SAMD13: variants seen among roughly 807,000 people sequenced by gnomAD.
SAMD13 encodes the protein sterile alpha motif domain-containing protein 13.
In SAMD13, 9 loss-of-function variants were observed where a neutral mutation model predicts 12.4. The ratio of observed to expected loss-of-function variants is 0.72; its 90% CI spans 0.44 to 1.26. The LOEUF is 1.26. Among genes scored for constraint, SAMD13 ranks in the 50% most tolerant of loss-of-function variants. The pLI is 0.00. For synonymous variants in SAMD13, 46 were observed against 45.4 expected (o/e 1.01, Z -0.05); for missense variants, 84 against 119.6 (o/e 0.70, Z 1.39).
intron 2 of SAMD13, among the ~76,000 whole-genome samples, chr1:84,316,202 G>A (rs924713859): frequency 2.6e-5 from 4 of 152,036 alleles, no homozygotes; most frequent in African/African-American, 9.7e-5. Flanking sequence ...TTCCCTGGCT[G>A]TATAGAAGCT....
chr1:84,302,804 A>C, intron 1 of SAMD13: 2 of 335,366 alleles, frequency 6.0e-6, no homozygotes, highest in Non-Finnish European at 8.3e-6. Context: ...AGAAAAAACA[A>C]ATCAAAGCCC....
chr1:84,319,148 A>G (rs542905168), intron 2 of SAMD13, among the ~76,000 whole-genome samples: 1 of 152,320 alleles, frequency 6.6e-6, no homozygotes, highest in African/African-American at 2.4e-5. Flanking sequence ...CAGTGAAGCC[A>G]TACCCAAATC....
chr1:84,307,825 T>A (rs1469963170), intron 2 of SAMD13, among the ~76,000 whole-genome samples: 1 of 152,174 alleles, frequency 6.6e-6, no homozygotes, highest in Non-Finnish European at 1.5e-5. Context: ...TTTATGCTCC[T>A]GAATTGAGAT....
rs187420827 is a variant in SAMD13 at position 84,330,965 on chromosome 1, T to A, written c.165+5217T>A. 2.0e-3 allele frequency among the ~76,000 whole-genome samples: 301 copies of A among 152,280 alleles called. 1 individual carries two copies. Among genetic ancestry groups the A allele is most frequent in the African/African-American group, 6.9e-3 (285 of 41,572 alleles). The stretch of plus-strand genomic sequence containing the variant: ...CTTCATTTTTCTCAAACCACATGAA[T>A]AAGAATAGTATCTTTACTCTGAAAT... On this transcript the variant is annotated intron_variant, in intron 3 of 3. Coordinates refer to ENST00000394834, the MANE Select transcript of SAMD13 (RefSeq NM_001134663.2).
rs922194942 is a variant in SAMD13, at chr1:84,303,133, C to T, written c.-32-70C>T. On this transcript the variant is annotated intron_variant, in intron 1 of 3. Coordinates refer to ENST00000394834, the MANE Select transcript of SAMD13 (RefSeq NM_001134663.2). ...GCTGTAAAAGGGACCATTATGTTTC[C>T]GATTCAGAATATATATTCTTCTCTC... 15 of 1,194,850 alleles carry T rather than the reference C, an allele frequency of 1.3e-5. No homozygotes were observed. The African/African-American group carries it at 2.1e-4, about 17-fold the overall frequency. 74.0% of individuals were successfully genotyped at this position (1,194,850 alleles called of 1,614,324 possible).
intron 2 of SAMD13, among the ~76,000 whole-genome samples, chr1:84,318,056 T>A (rs1009902696): frequency 6.6e-6 from 1 of 152,126 alleles, no homozygotes; most frequent in Non-Finnish European, 1.5e-5. Context: ...TTTTATTTAT[T>A]TGAGTCTTCA....
chr1:84,349,003 A>G (rs1424671967), intron 3 of SAMD13, among the ~76,000 whole-genome samples: 3 of 152,032 alleles, frequency 2.0e-5, no homozygotes, highest in Admixed American at 1.3e-4. Context: ...AATTGTGAGG[A>G]CTCCAGGAAA....
intron 2 of SAMD13, among the ~76,000 whole-genome samples, chr1:84,307,465 CT>C (rs1265290596): frequency 1.3e-5 from 2 of 152,058 alleles, no homozygotes; most frequent in Admixed American, 6.6e-5. Flanking sequence ...AGAATATGGC[CT>C]TAATAACTCT....
chr1:84,340,219 G>T (rs1055170567), intron 3 of SAMD13, among the ~76,000 whole-genome samples: 8 of 152,276 alleles, frequency 5.3e-5, no homozygotes, highest in Middle Eastern at 3.4e-3. Context: ...AAAATGTGCT[G>T]TATACATATA....
At chr1:84,323,079 G>T (rs554408035) in intron 2 of SAMD13, among the ~76,000 whole-genome samples, 1 of 152,086 alleles carries the variant, frequency 6.6e-6, no homozygotes, top group African/African-American at 2.4e-5. Context: ...TGTTTTCTGG[G>T]GGCACTTAAA....
rs1369597283 is a variant in SAMD13 at position 84,349,920 on chromosome 1, G to C, written c.*146G>C. On this transcript the variant is annotated 3_prime_UTR_variant, in exon 4 of 4. Transcript: ENST00000394834. ...AAACGTTATCCTATTGGATAGACTAGGCAATTCATCAGCTCACCTGAAATC... is the reference window on the plus strand; with the variant it reads ...AAACGTTATCCTATTGGATAGACTACGCAATTCATCAGCTCACCTGAAATC... 1 of 1,359,722 alleles carries C rather than the reference G, an allele frequency of 7.4e-7. No homozygotes were observed. Among genetic ancestry groups the C allele is most frequent in the East Asian group, 2.6e-5 (1 of 38,400 alleles). 84.2% of individuals were successfully genotyped at this position (1,359,722 alleles called of 1,614,324 possible).
chr1:84,314,866 C>T (rs971556937), intron 2 of SAMD13, among the ~76,000 whole-genome samples: 4 of 152,082 alleles, frequency 2.6e-5, no homozygotes, highest in African/African-American at 9.7e-5. Flanking sequence ...CCTTTCTAGC[C>T]AGGATCTGAT....
chr1:84,320,489 A>G (rs1487074218), intron 2 of SAMD13, among the ~76,000 whole-genome samples: 1 of 152,226 alleles, frequency 6.6e-6, no homozygotes, highest in Non-Finnish European at 1.5e-5. Flanking sequence ...CCATTTAGCC[A>G]GATCCCTGCT....
intron 1 of SAMD13, chr1:84,302,818 A>C: frequency 5.4e-5 from 9 of 165,402 alleles, no homozygotes; most frequent in Non-Finnish European, 9.3e-5. Context: ...AAAGCCCATA[A>C]TGGGAGGGGG....
At chr1:84,341,468 T>A (rs1351781422) in intron 3 of SAMD13, among the ~76,000 whole-genome samples, 1 of 152,168 alleles carries the variant, frequency 6.6e-6, no homozygotes, top group East Asian at 1.9e-4. Flanking sequence ...TGTGATGTGT[T>A]TCATCTTCAT....
chr1:84,323,461 T>C (rs988105511), intron 2 of SAMD13, among the ~76,000 whole-genome samples: 1 of 152,146 alleles, frequency 6.6e-6, no homozygotes, highest in Non-Finnish European at 1.5e-5. Context: ...AGGCATGCAG[T>C]GGTTATAGAT....
intron 3 of SAMD13, among the ~76,000 whole-genome samples, chr1:84,336,065 G>T (rs1332363901): frequency 1.3e-5 from 2 of 152,136 alleles, no homozygotes; most frequent in South Asian, 4.1e-4. Flanking sequence ...AGGGCTGTCT[G>T]CATGTCCTGA....
intron 1 of SAMD13, chr1:84,302,672 C>T (rs927649965): frequency 3.0e-6 from 3 of 985,838 alleles, no homozygotes; most frequent in Admixed American, 1.2e-4. Context: ...GTTTTTGAGG[C>T]TTTCGTTGAG....
intron 2 of SAMD13, among the ~76,000 whole-genome samples, chr1:84,315,180 C>T (rs1397837809): frequency 6.6e-6 from 1 of 152,120 alleles, no homozygotes; most frequent in African/African-American, 2.4e-5. Context: ...TGTTGTACAG[C>T]ATATCGCTAA....
Sources: allele counts gnomAD v4.1 joint callset (sites outside exome capture counted in the v4.1 genomes callset), GRCh38; gene constraint gnomAD v4.1.1; transcripts MANE v1.5; gene names NCBI Gene and HGNC (gene_info 2026-07-23, HGNC 2026-07-21).